ADGRD1: variants seen among roughly 807,000 people sequenced by gnomAD.
ADGRD1 encodes the protein G-protein coupled receptor 133.
In ADGRD1, 77 loss-of-function variants were observed where a neutral mutation model predicts 113.4. That is an observed-to-expected ratio of 0.68 (90% CI 0.57 to 0.82). The LOEUF (loss-of-function observed/expected upper bound fraction) is 0.82. Ranked by LOEUF, ADGRD1 falls within the 40% of genes least tolerant of loss-of-function variation. The probability of loss-of-function intolerance (pLI) is 0.00; values close to 1 mark genes in which losing one functional copy is unlikely to be tolerated. For synonymous variants in ADGRD1, 474 were observed against 475.0 expected, an observed-to-expected ratio of 1.00 and a Z score of 0.03; for missense variants, 1,036 against 1,139.1, an observed-to-expected ratio of 0.91 and a Z score of 1.30.
chr12:131,133,909 C>T (rs1025449486), intron 21 of ADGRD1, among the ~76,000 whole-genome samples: 2 of 152,208 alleles, frequency 1.3e-5, no homozygotes, highest in Non-Finnish European at 2.9e-5. Context: ...CAGCCCAGTA[C>T]TCAGTGAATA....
At position 131,003,131 on chromosome 12, in the gene ADGRD1, G is replaced by A; in HGVS notation, c.1027-54G>A. 1 of 1,386,988 alleles carries A rather than the reference G, an allele frequency of 7.2e-7. No homozygotes were observed. Among genetic ancestry groups the A allele is most frequent in the Non-Finnish European group, 1.0e-6 (1 of 973,606 alleles). The allele number at this position is 1,386,988 out of a possible 1,614,324, so 85.9% of individuals were successfully genotyped here. On this transcript the variant is annotated intron_variant, in intron 9 of 24. Coordinates refer to ENST00000261654, the MANE Select transcript of ADGRD1 (RefSeq NM_198827.5). The surrounding 1 kb of genome is among the most constrained non-coding windows in gnomAD (Gnocchi z 4.8). ...TGTGTGCCTGGTGCACCTGCCTGGT[G>A]CCCTGGCTGAGTGGGGTGGATTTTC...
At chr12:130,961,369 G>A (rs78950131) in intron 2 of ADGRD1, among the ~76,000 whole-genome samples, 1 of 152,002 alleles carries the variant, frequency 6.6e-6, no homozygotes, top group Non-Finnish European at 1.5e-5. Context: ...TGGTGATGTG[G>A]GCTGAAAATA....
intron 6 of ADGRD1, 109 bp downstream of exon 6, chr12:130,987,458 C>A (rs548767585): frequency 1.6e-6 from 2 of 1,248,796 alleles, no homozygotes; most frequent in Non-Finnish European, 1.1e-6. Context: ...GCACTGCAGG[C>A]GTGAGATGTG....
intron 20 of ADGRD1, among the ~76,000 whole-genome samples, chr12:131,121,122 G>T (rs932140198): frequency 6.6e-6 from 1 of 152,208 alleles, no homozygotes; most frequent in East Asian, 1.9e-4. Context: ...TTTCCAGGCG[G>T]GTCCACTCGA....
chr12:131,127,732 G>A (rs11615400), intron 20 of ADGRD1, among the ~76,000 whole-genome samples: 3 of 133,854 alleles, frequency 2.2e-5, no homozygotes, highest in Middle Eastern at 5.4e-3. Context: ...TGGGGTGTTG[G>A]TTGTGTTGGT....
In ADGRD1 at chr12:130,966,350, C is replaced by A; in HGVS notation, c.104-113C>A. The A allele has an allele frequency of 3.0e-6, 2 of 677,268 alleles. No individual in the cohort carries two copies. Among genetic ancestry groups the A allele is most frequent in the Non-Finnish European group, 2.7e-6 (1 of 373,394 alleles). 42.0% of individuals were successfully genotyped at this position (677,268 alleles called of 1,614,324 possible). ...TTAAATATGCTTTCAGTATCTCCCA[C>A]AGACATGGGATCCTTTTACTCTTCC... On this transcript the variant is annotated intron_variant, in intron 2 of 24. Coordinates refer to ENST00000261654, the MANE Select transcript of ADGRD1 (RefSeq NM_198827.5). This position sits in a 1 kb window ranked among gnomAD's most constrained non-coding sequence, Gnocchi z 4.6.
chr12:131,013,472 T>TC lies in ADGRD1; in HGVS notation c.1332-721dup, dbSNP rs577486738. 1.9e-3 allele frequency among the ~76,000 whole-genome samples: 286 copies of TC among 152,088 alleles called. 3 individuals are homozygous for TC. Among genetic ancestry groups the TC allele is most frequent in the African/African-American group, 6.4e-3 (266 of 41,502 alleles). On this transcript the variant is annotated intron_variant, in intron 12 of 24. Transcript: ENST00000261654. ...AATGAGGGTCTTTGAGCCCTCATTC[T>TC]CCCCCCACCTCGCCTTCTGGCATCT...
intron 13 of ADGRD1, among the ~76,000 whole-genome samples, chr12:131,016,979 TGA>T (rs1878642688): frequency 6.6e-6 from 1 of 151,558 alleles, no homozygotes; most frequent in African/African-American, 2.4e-5. Context: ...GTTGTCCTTG[TGA>T]GTGAGGTGGG....
At chr12:130,975,726 T>A (rs1249433894) in intron 4 of ADGRD1, among the ~76,000 whole-genome samples, 2 of 152,246 alleles carry the variant, frequency 1.3e-5, no homozygotes, top group East Asian at 3.8e-4. Flanking sequence ...TAAGATGATG[T>A]TATTTGATAT....
intron 20 of ADGRD1, among the ~76,000 whole-genome samples, chr12:131,125,849 C>T (rs1176374259): frequency 6.6e-6 from 1 of 152,204 alleles, no homozygotes; most frequent in African/African-American, 2.4e-5. Flanking sequence ...GCAAAATCAT[C>T]TAACACAAAG....
rs1033067662 is a variant in ADGRD1 at position 131,050,873 on chromosome 12, T to C, written c.1474-25928T>C. Reference sequence around the variant, plus strand: ...AGTTCACGGTCGGTTTGCATTCCTATGAGAATCAAACGCCCGGCTGATCTG... The same window carrying C: ...AGTTCACGGTCGGTTTGCATTCCTACGAGAATCAAACGCCCGGCTGATCTG... On this transcript the variant is annotated intron_variant, in intron 13 of 24. Coordinates refer to ENST00000261654, the MANE Select transcript of ADGRD1 (RefSeq NM_198827.5). This position sits in a 1 kb window ranked among gnomAD's most constrained non-coding sequence, Gnocchi z 4.8. Among the ~76,000 whole-genome samples the C allele has an allele frequency of 6.6e-6, 1 of 152,092 alleles. No homozygotes were observed. The highest frequency in any genetic ancestry group is 2.4e-5 in the African/African-American group (1 of 41,426).
chr12:131,093,298 C>T (rs1593200368), intron 15 of ADGRD1, among the ~76,000 whole-genome samples: 1 of 152,236 alleles, frequency 6.6e-6, no homozygotes, highest in Non-Finnish European at 1.5e-5. Flanking sequence ...TCAGAGGAGT[C>T]CGTGTCCTGA....
intron 3 of ADGRD1, chr12:130,969,654 A>G (rs1871391442): frequency 6.6e-6 from 1 of 152,460 alleles, no homozygotes; most frequent in African/African-American, 2.4e-5. Context: ...ATTTCATTAC[A>G]TATTGTAATA....
At chr12:131,002,974 C>T (rs1471904565) in intron 9 of ADGRD1, 2 of 717,258 alleles carry the variant, frequency 2.8e-6, no homozygotes, top group Non-Finnish European at 4.7e-6. Context: ...GTGATGGGTC[C>T]ACCTGGGCTG....
intron 20 of ADGRD1, among the ~76,000 whole-genome samples, chr12:131,128,173 A>G (rs112810020): frequency 0.057 from 5,603 of 99,110 alleles, 452 homozygotes; most frequent in African/African-American, 0.2. Context: ...TGGGGTGTTG[A>G]TTGTGTTGGT....
intron 21 of ADGRD1, among the ~76,000 whole-genome samples, chr12:131,135,444 C>G (rs911212290): frequency 1.7e-4 from 26 of 152,296 alleles, no homozygotes; most frequent in Middle Eastern, 3.4e-3. Context: ...TTAGCACGTC[C>G]TTTGAGCATG....
intron 17 of ADGRD1, 77 bp from the exon 18 acceptor site, chr12:131,108,647 C>T (rs546780782): frequency 3.1e-6 from 5 of 1,601,590 alleles, no homozygotes; most frequent in Non-Finnish European, 4.3e-6. Context: ...GACATGGATA[C>T]TGGGAGGCTG....
chr12:131,004,272 C>G lies in ADGRD1; in HGVS notation c.1231C>G (p.Pro411Ala). ...CCACGGGCAGAGCTTCATCCAGATC[C>G]CCCACGAGGCCTTCCACAGGCACGG... ...PAHGQSFIQI[P>A]HEAFHRHAWS... is the part of the protein sequence containing the mutation. The change falls in exon 11 of 25, where the codon CCC becomes GCC. Residue 411 changes from proline (P) to alanine (A), a missense_variant. Pro to Ala is a conservative substitution (Grantham distance 27). Transcript: ENST00000261654. 1 of 1,613,212 alleles carries G rather than the reference C, an allele frequency of 6.2e-7. No homozygotes were observed. Among genetic ancestry groups the G allele is most frequent in the Non-Finnish European group, 8.5e-7 (1 of 1,179,354 alleles).
At position 130,971,522 on chromosome 12, in the gene ADGRD1, C is replaced by G; in HGVS notation, c.252C>G (p.Leu84=). 6.2e-7 allele frequency: 1 copy of G among 1,613,670 alleles called. No homozygotes were observed. Among genetic ancestry groups the G allele is most frequent in the Non-Finnish European group, 8.5e-7 (1 of 1,179,774 alleles). Residue 84 remains leucine (L), a synonymous_variant, in exon 4 of 25, where the codon CTC becomes CTG. Coordinates refer to ENST00000261654, the MANE Select transcript of ADGRD1 (RefSeq NM_198827.5). This position sits in a 1 kb window ranked among gnomAD's most constrained non-coding sequence, Gnocchi z 4.2. The stretch of plus-strand genomic sequence containing the variant: ...AAGAGGAAAAGGGAGTCACGCTTCT[C>G]TATTACGGCAGGTACAACAGCTCCT... ...YLKEEKGVTL[L]YYGRYNSSCI... is the part of the protein sequence containing the mutation.
Sources: allele counts gnomAD v4.1 joint callset (sites outside exome capture counted in the v4.1 genomes callset), GRCh38; gene constraint gnomAD v4.1.1; non-coding constraint Gnocchi (gnomAD v3.1); transcripts MANE v1.5; gene names NCBI Gene and HGNC (gene_info 2026-07-23, HGNC 2026-07-21).